Variants in DSCAML1 observed in about 807,000 individuals in gnomAD.
DSCAML1 encodes DS cell adhesion molecule like 1.
Under a neutral mutation model 200.5 loss-of-function variants are expected in DSCAML1, and 38 were observed. The ratio of observed to expected loss-of-function variants is 0.19; its 90% CI spans 0.15 to 0.25. The LOEUF (loss-of-function observed/expected upper bound fraction) is 0.25, where lower values mean the gene tolerates loss of function less well. DSCAML1 is among the 10% of genes least tolerant of loss of function. The pLI is 1.00. For synonymous variants in DSCAML1, 1,215 were observed against 1,165.0 expected, an observed-to-expected ratio of 1.04 and a Z score of -0.87; for missense variants, 2,223 against 2,858.8, an observed-to-expected ratio of 0.78 and a Z score of 5.07.
At chr11:117,431,752 T>G in intron 30 of DSCAML1, 24 bp from the exon 31 acceptor site, 1 of 1,506,520 alleles carries the variant, frequency 6.6e-7, no homozygotes, top group South Asian at 1.3e-5. Flanking sequence ...AGCAAGAAAT[T>G]GCATCCTCCA....
At position 117,487,962 on chromosome 11, in the gene DSCAML1, G is replaced by A. The variant is rs971276489; in HGVS notation, c.2360-5800C>T. On this transcript the variant is annotated intron_variant, in intron 11 of 32. Transcript: ENST00000651296. ...GCCTGGATCTGGGCCCCTTGTCTTTGGGCCCTTGGGGGTGCCCGGGTCTCA... is the reference window on the plus strand; with the variant it reads ...GCCTGGATCTGGGCCCCTTGTCTTTAGGCCCTTGGGGGTGCCCGGGTCTCA... 1.2e-4 allele frequency among the ~76,000 whole-genome samples: 19 copies of A among 152,302 alleles called. 1 individual carries two copies. Among genetic ancestry groups the A allele is most frequent in the Middle Eastern group, 6.8e-3 (2 of 294 alleles).
intron 14 of DSCAML1, among the ~76,000 whole-genome samples, chr11:117,474,902 ATG>A (rs1565717798): frequency 2.0e-5 from 3 of 151,940 alleles, no homozygotes; most frequent in Non-Finnish European, 2.9e-5. Flanking sequence ...CTACAGGCGC[ATG>A]CCACCACACC....
At chr11:117,794,247 A>G (rs1389493512) in intron 1 of DSCAML1, among the ~76,000 whole-genome samples, 1 of 152,176 alleles carries the variant, frequency 6.6e-6, no homozygotes, top group Non-Finnish European at 1.5e-5. Flanking sequence ...TCTTTTACAC[A>G]GTAAAAATGC....
intron 3 of DSCAML1, among the ~76,000 whole-genome samples, chr11:117,562,064 C>T (rs17509752): frequency 0.26 from 39,135 of 152,082 alleles, 5,440 homozygotes; most frequent in Admixed American, 0.32. Flanking sequence ...GCTGCAGAGA[C>T]AGTGTTGAGA....
At chr11:117,556,865 G>A (rs1194108756) in intron 3 of DSCAML1, among the ~76,000 whole-genome samples, 2 of 152,208 alleles carry the variant, frequency 1.3e-5, no homozygotes, top group Non-Finnish European at 2.9e-5. Flanking sequence ...CCGCCGACAT[G>A]CCCACATCTT....
chr11:117,442,171 GTAGTGTGTA>G (rs2048069510), intron 21 of DSCAML1, among the ~76,000 whole-genome samples: 1 of 151,132 alleles, frequency 6.6e-6, no homozygotes, highest in Non-Finnish European at 1.5e-5. Context: ...GTATATGCAT[GTAGTGTGTA>G]TAGTGTGTAT....
chr11:117,774,374 T>A (rs1263558075), intron 3 of DSCAML1, among the ~76,000 whole-genome samples: 1 of 152,132 alleles, frequency 6.6e-6, no homozygotes. Flanking sequence ...CAAGCGCAAA[T>A]GCTCTCTTCC....
At chr11:117,531,652 G>A (rs1235604666) in intron 4 of DSCAML1, among the ~76,000 whole-genome samples, 4 of 152,126 alleles carry the variant, frequency 2.6e-5, no homozygotes, top group African/African-American at 9.7e-5. Flanking sequence ...GGGAGGCTGA[G>A]GCGGGCAGCT....
At chr11:117,652,357 G>T (rs1239029860) in intron 3 of DSCAML1, among the ~76,000 whole-genome samples, 1 of 152,238 alleles carries the variant, frequency 6.6e-6, no homozygotes, top group African/African-American at 2.4e-5. Flanking sequence ...ACCAGGAGAT[G>T]GAGCAGATGA....
intron 3 of DSCAML1, among the ~76,000 whole-genome samples, chr11:117,697,075 T>C (rs1336838385): frequency 6.6e-5 from 10 of 152,228 alleles, no homozygotes; most frequent in African/African-American, 2.4e-4. Flanking sequence ...CTGGTAGTGT[T>C]AGTATTGTCA....
At chr11:117,510,695 C>T (rs748301494) in intron 8 of DSCAML1, among the ~76,000 whole-genome samples, 1 of 152,114 alleles carries the variant, frequency 6.6e-6, no homozygotes, top group Non-Finnish European at 1.5e-5. Flanking sequence ...TTGAGCATAG[C>T]TGTATTCATA....
At chr11:117,673,180 G>A (rs972221071) in intron 3 of DSCAML1, among the ~76,000 whole-genome samples, 2 of 152,208 alleles carry the variant, frequency 1.3e-5, no homozygotes, top group African/African-American at 4.8e-5. Context: ...ATCAAGAAAG[G>A]CAAACACGTT....
rs771417423 is a variant in DSCAML1, at chr11:117,435,669, C to T, written c.4851G>A (p.Lys1617=). ...ALLFIVRKKR[K]EKRLKRLRDA... is the part of the protein sequence containing the mutation. ...CTCGGAGTCGCTTCAGCCGTTTCTC[C>T]TTCCTCTTCTTGCGTACGATGAAGA... is the stretch of plus-strand genomic sequence containing the variant. The change falls in exon 27 of 33, where the codon AAG becomes AAA. Residue 1617 remains lysine, a synonymous_variant. Coordinates refer to ENST00000651296, the MANE Select transcript of DSCAML1 (RefSeq NM_020693.4). 6.2e-7 allele frequency: 1 copy of T among 1,603,792 alleles called. No individual in the cohort carries two copies. The highest frequency in any genetic ancestry group is 8.5e-7 in the Non-Finnish European group (1 of 1,171,514).
At chr11:117,773,076 C>G (rs1041386890) in intron 3 of DSCAML1, among the ~76,000 whole-genome samples, 10 of 152,202 alleles carry the variant, frequency 6.6e-5, no homozygotes, top group East Asian at 1.9e-4. Context: ...TCAGGATAGC[C>G]AGGGATAGCC....
intron 3 of DSCAML1, among the ~76,000 whole-genome samples, chr11:117,652,154 A>G (rs1473469882): frequency 6.6e-6 from 1 of 152,206 alleles, no homozygotes; most frequent in Non-Finnish European, 1.5e-5. Context: ...GATGCCTTCT[A>G]GTAGGGGAAG....
At chr11:117,726,553 A>G (rs1049275089) in intron 3 of DSCAML1, among the ~76,000 whole-genome samples, 1 of 152,084 alleles carries the variant, frequency 6.6e-6, no homozygotes, top group African/African-American at 2.4e-5. Context: ...CCCCAGGTGT[A>G]TGTGACCATG....
chr11:117,477,924 GTTCT>G (rs1253477181), intron 14 of DSCAML1, among the ~76,000 whole-genome samples: 18 of 152,204 alleles, frequency 1.2e-4, no homozygotes, highest in Non-Finnish European at 1.5e-5. Context: ...CTGTGACTTA[GTTCT>G]TTAAGAGTGC....
At chr11:117,765,466 G>A (rs2054880222) in intron 3 of DSCAML1, among the ~76,000 whole-genome samples, 2 of 152,178 alleles carry the variant, frequency 1.3e-5, no homozygotes, top group African/African-American at 2.4e-5. Context: ...CCATGAGCCT[G>A]TGACCCTCTG....
intron 1 of DSCAML1, among the ~76,000 whole-genome samples, chr11:117,816,555 C>T (rs952502531): frequency 6.6e-6 from 1 of 152,188 alleles, no homozygotes; most frequent in Non-Finnish European, 1.5e-5. Flanking sequence ...GACTAATCTC[C>T]CCCACAGCAG....
Sources: gnomAD v4.1 joint callset for allele counts (sites outside exome capture counted in the v4.1 genomes callset) on GRCh38, gnomAD v4.1.1 for gene constraint, MANE v1.5 for transcripts, NCBI Gene and HGNC (gene_info 2026-07-23, HGNC 2026-07-21) for gene names.